The following FUT8 variants were observed in gnomAD, a reference collection of about 807,000 sequenced individuals.
FUT8 encodes fucosyltransferase 8, also known as alpha-(1,6)-fucosyltransferase.
FUT8 carries 29 observed loss-of-function variants against 71.3 expected under a neutral mutation model. The ratio of observed to expected loss-of-function variants is 0.41; its 90% confidence interval spans 0.30 to 0.55. FUT8 has a LOEUF of 0.55. Among genes scored for constraint, FUT8 ranks in the 20% least tolerant of loss-of-function variants. The pLI is 0.34. For synonymous variants in FUT8, 254 were observed against 239.3 expected (o/e 1.06, Z -0.57); for missense variants, 544 against 702.1 (o/e 0.77, Z 2.55).
intron 2 of FUT8, among the ~76,000 whole-genome samples, chr14:65,482,500 C>A (rs918010975): frequency 2.0e-5 from 3 of 152,108 alleles, no homozygotes; most frequent in Non-Finnish European, 2.9e-5. Flanking sequence ...AGACATAAAG[C>A]CAACTTTTCC....
chr14:65,509,741 A>G (rs1003794032), intron 2 of FUT8, among the ~76,000 whole-genome samples: 1 of 152,180 alleles, frequency 6.6e-6, no homozygotes, highest in African/African-American at 2.4e-5. Context: ...TTTCACATAT[A>G]GAAATGCTAC....
chr14:65,467,153 A>G lies in FUT8; in HGVS notation c.-228+11435A>G, dbSNP rs1325097927. Among the ~76,000 whole-genome samples the G allele has an allele frequency of 6.6e-6, 1 of 152,040 alleles. No individual in the cohort carries two copies. Among genetic ancestry groups the G allele is most frequent in the Non-Finnish European group, 1.5e-5 (1 of 68,020 alleles). The stretch of plus-strand genomic sequence containing the variant: ...ATAACTTCTGTTAACATTTCTTGCA[A>G]GTCATGTTTATTGGGTTTCATTTCT... On this transcript the variant is annotated intron_variant, in intron 2 of 10. Coordinates refer to ENST00000673929, the MANE Select transcript of FUT8 (RefSeq NM_001371533.1). This position sits in a 1 kb window ranked among gnomAD's most constrained non-coding sequence, Gnocchi z 4.1.
rs1034470126 is a variant in FUT8 at position 65,669,107 on chromosome 14, A to G, written c.598-136A>G. On this transcript the variant is annotated intron_variant, in intron 6 of 10. Coordinates refer to ENST00000673929, the MANE Select transcript of FUT8 (RefSeq NM_001371533.1). The surrounding 1 kb of genome is among the most constrained non-coding windows in gnomAD (Gnocchi z 4.5). ...TGCTGATTACTTGGGGTGTATACCA[A>G]ACCCCACGACACACAATTTATCTAT... is the stretch of plus-strand genomic sequence containing the variant. 7 of 649,556 alleles carry G rather than the reference A, an allele frequency of 1.1e-5. No individual in the cohort carries two copies. The highest frequency in any genetic ancestry group is 8.7e-5 in the Admixed American group (3 of 34,442). The allele number at this position is 649,556 out of a possible 1,614,324, so 40.2% of individuals were successfully genotyped here.
intron 2 of FUT8, among the ~76,000 whole-genome samples, chr14:65,468,872 G>A (rs1037781015): frequency 6.6e-6 from 1 of 151,886 alleles, no homozygotes; most frequent in Middle Eastern, 3.4e-3. Flanking sequence ...ATCATAACTC[G>A]CTGCAGTCTT....
At chr14:65,616,158 T>C (rs1243857283) in intron 4 of FUT8, 53 bp from the exon 5 acceptor site, 14 of 1,594,712 alleles carry the variant, frequency 8.8e-6, no homozygotes, top group South Asian at 1.1e-5. Context: ...AATTGAAAGT[T>C]TCCTTTTATC....
intron 6 of FUT8, among the ~76,000 whole-genome samples, chr14:65,653,787 C>G (rs1286988782): frequency 6.6e-6 from 1 of 152,170 alleles, no homozygotes; most frequent in Non-Finnish European, 1.5e-5. Flanking sequence ...ATCCTCCTGC[C>G]TTGGCCTCCG....
At chr14:65,441,421 T>C (rs936035981) in intron 1 of FUT8, among the ~76,000 whole-genome samples, 1 of 152,220 alleles carries the variant, frequency 6.6e-6, no homozygotes, top group South Asian at 2.1e-4. Context: ...GAGATTTGTT[T>C]AGTAGGTAAA....
intron 1 of FUT8, among the ~76,000 whole-genome samples, chr14:65,436,792 G>A (rs1048622672): frequency 6.6e-6 from 1 of 152,050 alleles, no homozygotes; most frequent in Non-Finnish European, 1.5e-5. Context: ...GTTGTGCAGT[G>A]TAGCAGTCTG....
intron 7 of FUT8, among the ~76,000 whole-genome samples, chr14:65,674,818 A>G (rs531576568): frequency 1.4e-4 from 21 of 152,328 alleles, no homozygotes; most frequent in African/African-American, 4.3e-4. Flanking sequence ...GCAGGAGGCT[A>G]TTTGGAGAGT....
intron 3 of FUT8, among the ~76,000 whole-genome samples, chr14:65,563,508 T>C (rs2140051319): frequency 6.6e-6 from 1 of 152,152 alleles, no homozygotes; most frequent in East Asian, 1.9e-4. Context: ...ATTGCCTTCC[T>C]GAGCAGAAAA....
the FUT8 span, among the ~76,000 whole-genome samples, chr14:65,395,438 C>T: frequency 0.05 from 7,569 of 152,330 alleles, 258 homozygotes; most frequent in Admixed American, 0.11. Flanking sequence ...TTCCATACAT[C>T]CTCTAAAATC....
At chr14:65,626,086 A>G (rs575094457) in intron 5 of FUT8, among the ~76,000 whole-genome samples, 13 of 152,238 alleles carry the variant, frequency 8.5e-5, no homozygotes, top group African/African-American at 3.1e-4. Flanking sequence ...GATCATTTTT[A>G]TAATTGATTA....
At chr14:65,390,248 G>A in the FUT8 span, among the ~76,000 whole-genome samples, 4 of 150,076 alleles carry the variant, frequency 2.7e-5, no homozygotes, top group South Asian at 2.1e-4. Flanking sequence ...GCTTGAACCC[G>A]GGTGGTGGAG....
intron 2 of FUT8, among the ~76,000 whole-genome samples, chr14:65,524,181 G>A (rs1315806340): frequency 5.3e-5 from 8 of 152,118 alleles, no homozygotes; most frequent in East Asian, 3.9e-4. Flanking sequence ...CCATTTTCAC[G>A]ATATTGATTC....
the FUT8 span, among the ~76,000 whole-genome samples, chr14:65,366,398 G>C: frequency 6.6e-6 from 1 of 152,190 alleles, no homozygotes; most frequent in East Asian, 1.9e-4. Flanking sequence ...CTGGACATTG[G>C]AAAACTATTA....
Position 65,607,641 on chromosome 14 carries a change from G to C in FUT8, c.204-8337G>C, listed in dbSNP as rs1207813846. On this transcript the variant is annotated intron_variant, in intron 3 of 10. Coordinates refer to ENST00000673929, the MANE Select transcript of FUT8 (RefSeq NM_001371533.1). This position sits in a 1 kb window ranked among gnomAD's most constrained non-coding sequence, Gnocchi z 4.1. ...ATTTGAATTAGTCTTTAATTTCTTT[G>C]TTATCCTTGTCTACTTCTATATCAA... Among the ~76,000 whole-genome samples the C allele has an allele frequency of 6.6e-6, 1 of 151,694 alleles. No individual in the cohort carries two copies. Among genetic ancestry groups the C allele is most frequent in the East Asian group, 1.9e-4 (1 of 5,196 alleles).
chr14:65,686,450 G>C (rs887811486), intron 7 of FUT8, among the ~76,000 whole-genome samples: 1 of 152,152 alleles, frequency 6.6e-6, no homozygotes, highest in Non-Finnish European at 1.5e-5. Flanking sequence ...CATTATCATG[G>C]AACTGTGGTT....
chr14:65,587,280 A>T (rs1887442922), intron 3 of FUT8, among the ~76,000 whole-genome samples: 1 of 152,146 alleles, frequency 6.6e-6, no homozygotes, highest in Non-Finnish European at 1.5e-5. Flanking sequence ...AAGAATTTTT[A>T]TGTATTCAGG....
At chr14:65,733,710 T>C (rs1896087122) in intron 10 of FUT8, among the ~76,000 whole-genome samples, 1 of 152,182 alleles carries the variant, frequency 6.6e-6, no homozygotes, top group Non-Finnish European at 1.5e-5. Flanking sequence ...TTTCTAATTT[T>C]GCATATAGTC....
Sources: gnomAD v4.1 joint callset for allele counts (sites outside exome capture counted in the v4.1 genomes callset) on GRCh38, gnomAD v4.1.1 for gene constraint, Gnocchi (gnomAD v3.1) non-coding constraint, MANE v1.5 for transcripts, NCBI Gene and HGNC (gene_info 2026-07-23, HGNC 2026-07-21) for gene names.